Variants in SLC6A19 observed in about 807,000 individuals in gnomAD.
SLC6A19 encodes solute carrier family 6 member 19, also known as sodium-dependent neutral amino acid transporter B(0)AT1.
In SLC6A19, 67 loss-of-function variants were observed where a neutral mutation model predicts 68.3. The ratio of observed to expected loss-of-function variants is 0.98; its 90% confidence interval spans 0.81 to 1.20. The LOEUF is 1.20. SLC6A19 is among the 50% of genes most tolerant of loss of function. The pLI, the probability that SLC6A19 is intolerant of heterozygous loss-of-function variation, is 0.00. For missense variants in SLC6A19, 813 were observed against 851.6 expected, an observed-to-expected ratio of 0.95 and a Z score of 0.56; for synonymous variants, 392 against 374.9, an observed-to-expected ratio of 1.05 and a Z score of -0.53.
intron 8 of SLC6A19, 114 bp from the exon 9 acceptor site, chr5:1,218,789 C>G: frequency 9.2e-7 from 1 of 1,081,262 alleles, no homozygotes; most frequent in Non-Finnish European, 1.4e-6. Flanking sequence ...TTCATGACAG[C>G]TCAGACCTGC....
chr5:1,212,547 C>T lies in SLC6A19; in HGVS notation c.663+63C>T. On this transcript the variant is annotated intron_variant, in intron 4 of 11. Transcript: ENST00000304460. This position sits in a 1 kb window ranked among gnomAD's most constrained non-coding sequence, Gnocchi z 5.1. ...AGGGCGGGTGCGGGCAGCCCTGCCTCCGGCCGGCTGCACTCTAAAACCCAG... is the reference window on the plus strand; with the variant it reads ...AGGGCGGGTGCGGGCAGCCCTGCCTTCGGCCGGCTGCACTCTAAAACCCAG... 6.3e-7 allele frequency: 1 copy of T among 1,585,810 alleles called. No individual in the cohort carries two copies. The highest frequency in any genetic ancestry group is 8.6e-7 in the Non-Finnish European group (1 of 1,169,292).
At position 1,214,152 on chromosome 5, in the gene SLC6A19, C is replaced by T; in HGVS notation, c.887+87C>T. 1 of 1,591,046 alleles carries T rather than the reference C, an allele frequency of 6.3e-7. No homozygotes were observed. The highest frequency in any genetic ancestry group is 1.1e-5 in the South Asian group (1 of 88,840). On this transcript the variant is annotated intron_variant, in intron 6 of 11. Transcript: ENST00000304460. This position sits in a 1 kb window ranked among gnomAD's most constrained non-coding sequence, Gnocchi z 7.4. ...GATAAAAGACAAGGTGGAAAGCACT[C>T]TGTGGCTGTGTGGCCGGGGCCTTGC...
At position 1,212,214 on chromosome 5, in the gene SLC6A19, G is replaced by A. The variant is rs914287464; in HGVS notation, c.482-89G>A. ...TCACTGGTGTCAAGGCCTCTGGAAC[G>A]TGGCTGGCATTTCTTCCAGCTCAGG... On this transcript the variant is annotated intron_variant, in intron 3 of 11. Transcript: ENST00000304460. The surrounding 1 kb of genome is among the most constrained non-coding windows in gnomAD (Gnocchi z 5.1). The A allele has an allele frequency of 2.6e-6, 4 of 1,544,562 alleles. No individual in the cohort carries two copies. The highest frequency in any genetic ancestry group is 2.7e-6 in the Non-Finnish European group (3 of 1,130,174).
rs138803628 is a variant in SLC6A19, at chr5:1,216,883, G to A, written c.1111G>A (p.Asp371Asn). The change falls in exon 8 of 12, where the codon GAC becomes AAC. Residue 371 changes from aspartate to asparagine, a missense_variant. By Grantham distance (23) the Asp-to-Asn change is conservative (BLOSUM62 1). Transcript: ENST00000304460. ...CATGCAGCAGCGGTGCAACGCCTCC[G>A]ACCCCGCGGCCTACGCGCAGCTGGT... Reference protein sequence around the residue: ...VDMQQRCNASDPAAYAQLVFQ... With the variant: ...VDMQQRCNASNPAAYAQLVFQ... 2.0e-5 allele frequency: 33 copies of A among 1,613,668 alleles called. 1 individual carries two copies. Among genetic ancestry groups the A allele is most frequent in the African/African-American group, 6.7e-5 (5 of 75,072 alleles).
chr5:1,202,451 T>C (rs1006809118), intron 1 of SLC6A19, among the ~76,000 whole-genome samples: 2 of 152,156 alleles, frequency 1.3e-5, no homozygotes, highest in African/African-American at 2.4e-5. Flanking sequence ...CAGGTAGGCA[T>C]GGCCGCTGCT....
rs139103369 is a variant in SLC6A19 at position 1,216,816 on chromosome 5, C to T, written c.1044C>T (p.Phe348=). Residue 348 remains phenylalanine, a synonymous_variant, in exon 8 of 12, where the codon TTC becomes TTT. Transcript: ENST00000304460. ...STNILTLING[F]DLPEGNVTQE... ...ACATCCTGACCCTCATCAACGGGTTCGACCTGCCTGAAGGCAACGTGACCC... is the reference window on the plus strand; with the variant it reads ...ACATCCTGACCCTCATCAACGGGTTTGACCTGCCTGAAGGCAACGTGACCC... 1,397 of 1,613,804 alleles carry T rather than the reference C, an allele frequency of 8.7e-4. 1 individual carries two copies. The highest frequency in any genetic ancestry group is 2.1e-3 in the Middle Eastern group (13 of 6,062).
chr5:1,214,920 CGGGGCT>C lies in SLC6A19; in HGVS notation c.887+862_887+867del, dbSNP rs141765546. 3.7e-3 allele frequency among the ~76,000 whole-genome samples: 495 copies of C among 133,396 alleles called. 19 individuals carry two copies. In the East Asian group the frequency reaches 0.089, roughly 24 times the overall value. The allele number at this position is 133,396 out of a possible 152,430, so 87.5% of individuals were successfully genotyped here. ...CTGGGCAGGGAGGGCATAGCTGAGGCGGGGCTGGGGCTTGGCAGGTGCAGAGCCCAG... is the reference window on the plus strand; with the variant it reads ...CTGGGCAGGGAGGGCATAGCTGAGGCGGGGCTTGGCAGGTGCAGAGCCCAG... On this transcript the variant is annotated intron_variant, in intron 6 of 11. Coordinates refer to ENST00000304460, the MANE Select transcript of SLC6A19 (RefSeq NM_001003841.3). The surrounding 1 kb of genome is among the most constrained non-coding windows in gnomAD (Gnocchi z 7.4).
chr5:1,206,604 A>G (rs1392657659), intron 1 of SLC6A19, among the ~76,000 whole-genome samples: 1 of 152,070 alleles, frequency 6.6e-6, no homozygotes, highest in East Asian at 1.9e-4. Flanking sequence ...GGACAAATGG[A>G]ACACGTGTGT....
intron 2 of SLC6A19, 54 bp downstream of exon 2, chr5:1,208,940 G>A (rs1308316680): frequency 1.3e-5 from 20 of 1,571,846 alleles, no homozygotes; most frequent in Non-Finnish European, 1.7e-6. Flanking sequence ...CTGCTGGGAA[G>A]CCGTTCCACC....
intron 9 of SLC6A19, 66 bp from the exon 10 acceptor site, chr5:1,219,439 C>T (rs1746302780): frequency 1.3e-6 from 2 of 1,595,364 alleles, no homozygotes; most frequent in African/African-American, 1.3e-5. Flanking sequence ...GTTGTGTGAA[C>T]AGCTCTGTCC....
At position 1,222,140 on chromosome 5, in the gene SLC6A19, G is replaced by GGT; in HGVS notation, c.*243_*244dup. The GGT allele has an allele frequency of 1.7e-6, 1 of 604,044 alleles. No individual in the cohort carries two copies. The highest frequency in any genetic ancestry group is 2.9e-6 in the Non-Finnish European group (1 of 339,352). 37.4% of individuals were successfully genotyped at this position (604,044 alleles called of 1,614,324 possible). On this transcript the variant is annotated 3_prime_UTR_variant, in exon 12 of 12. Transcript: ENST00000304460. ...GTATGCACACATATACATGTGTGTG[G>GGT]GTGTGTGTATTGTATGTGCATGTGC...
Position 1,212,186 on chromosome 5 carries a change from G to A in SLC6A19, c.482-117G>A, listed in dbSNP as rs1365934442. 32 of 1,222,960 alleles carry A rather than the reference G, an allele frequency of 2.6e-5. No individual in the cohort carries two copies. The highest frequency in any genetic ancestry group is 3.2e-5 in the Non-Finnish European group (27 of 846,648). 75.8% of individuals were successfully genotyped at this position (1,222,960 alleles called of 1,614,324 possible). ...CCTGTGTTCATGTGCACGTGTGGGC[G>A]TGTCACTGGTGTCAAGGCCTCTGGA... is the stretch of plus-strand genomic sequence containing the variant. On this transcript the variant is annotated intron_variant, in intron 3 of 11. Transcript: ENST00000304460. This position sits in a 1 kb window ranked among gnomAD's most constrained non-coding sequence, Gnocchi z 5.1.
chr5:1,205,891 A>T (rs1429827148), intron 1 of SLC6A19, among the ~76,000 whole-genome samples: 1 of 152,190 alleles, frequency 6.6e-6, no homozygotes. Context: ...GCTGGTGAGC[A>T]TCTCCTGCAC....
chr5:1,216,490 G>GCTGCCCTGGGCTGTGTC, intron 6 of SLC6A19, 68 bp from the exon 7 acceptor site: 2 of 1,609,706 alleles, frequency 1.2e-6, no homozygotes, highest in Non-Finnish European at 1.7e-6. Flanking sequence ...GGATGCGGAT[G>GCTGCCCTGGGCTGTGTC]CTGCCCTGGG....
At chr5:1,213,883 G>C in intron 5 of SLC6A19, 70 bp from the exon 6 acceptor site, 1 of 1,574,366 alleles carries the variant, frequency 6.4e-7, no homozygotes. Context: ...GCCTCCCTGG[G>C]AGCACACCCT....
At chr5:1,203,030 C>T (rs550179817) in intron 1 of SLC6A19, among the ~76,000 whole-genome samples, 37 of 152,220 alleles carry the variant, frequency 2.4e-4, no homozygotes, top group African/African-American at 8.9e-4. Flanking sequence ...GGCCACTGTC[C>T]TCGCCCCCTC....
chr5:1,222,033 G>A lies in SLC6A19; in HGVS notation c.*129G>A, dbSNP rs776016963. ...AGTGTATGCTCGTGTGTGAGTGTGTGTATTGTACACGCATGTGCCATGTGT... is the reference window on the plus strand; with the variant it reads ...AGTGTATGCTCGTGTGTGAGTGTGTATATTGTACACGCATGTGCCATGTGT... On this transcript the variant is annotated 3_prime_UTR_variant, in exon 12 of 12. Transcript: ENST00000304460. 12 of 1,035,508 alleles carry A rather than the reference G, an allele frequency of 1.2e-5. No individual in the cohort carries two copies. The highest frequency in any genetic ancestry group is 4.8e-5 in the African/African-American group (3 of 63,106). The allele number at this position is 1,035,508 out of a possible 1,614,324, so 64.1% of individuals were successfully genotyped here. A position where few individuals can be genotyped will look rare whatever the true frequency, so the allele number is the denominator to read the frequency against.
rs777483262 is a variant in SLC6A19 at position 1,222,269 on chromosome 5, CGT to C, written c.*373_*374del. On this transcript the variant is annotated 3_prime_UTR_variant, in exon 12 of 12. Transcript: ENST00000304460. ...ATACATGTGTGCGATATTTGCTGCC[CGT>C]GTGTGTGCATGTATATATAGACATA... is the stretch of plus-strand genomic sequence containing the variant. The C allele has an allele frequency of 5.4e-6, 3 of 553,980 alleles. No homozygotes were observed. Among genetic ancestry groups the C allele is most frequent in the Admixed American group, 3.3e-5 (1 of 30,744 alleles). 34.3% of individuals were successfully genotyped at this position (553,980 alleles called of 1,614,324 possible). A position where few individuals can be genotyped will look rare whatever the true frequency, so the allele number is the denominator to read the frequency against.
Position 1,209,368 on chromosome 5 carries a change from G to T in SLC6A19, c.343+482G>T, listed in dbSNP as rs115190844. Reference sequence around the variant, plus strand: ...GAGGACACGGCTCATTAAGCCCTCAGAATATGGGCAGACGGTGAAAGACGG... The same window carrying T: ...GAGGACACGGCTCATTAAGCCCTCATAATATGGGCAGACGGTGAAAGACGG... On this transcript the variant is annotated intron_variant, in intron 2 of 11. Transcript: ENST00000304460. The surrounding 1 kb of genome is among the most constrained non-coding windows in gnomAD (Gnocchi z 5.5). 0.018 allele frequency among the ~76,000 whole-genome samples: 2,712 copies of T among 152,310 alleles called. 82 individuals are homozygous for T. The highest frequency in any genetic ancestry group is 0.062 in the African/African-American group (2,578 of 41,554).
Sources: allele counts gnomAD v4.1 joint callset (sites outside exome capture counted in the v4.1 genomes callset), GRCh38; gene constraint gnomAD v4.1.1; non-coding constraint Gnocchi (gnomAD v3.1); transcripts MANE v1.5; gene names NCBI Gene and HGNC (gene_info 2026-07-23, HGNC 2026-07-21).